Variants in ZNF263 observed in about 807,000 individuals in gnomAD.
ZNF263 encodes zinc finger protein FPM315.
Under a neutral mutation model 63.1 loss-of-function variants are expected in ZNF263, and 49 were observed. The observed-to-expected ratio is 0.78, with a 90% CI of 0.62 to 0.99. ZNF263 has a LOEUF of 0.99. ZNF263 is among the 50% of genes least tolerant of loss of function. The pLI is 0.00. For synonymous variants in ZNF263, 352 were observed against 324.2 expected (o/e 1.09, Z -0.92); for missense variants, 872 against 854.8 (o/e 1.02, Z -0.25).
At chr16:3,285,547 T>A in intron 2 of ZNF263, 134 bp from the exon 3 acceptor site, 2 of 873,054 alleles carry the variant, frequency 2.3e-6, no homozygotes, top group Non-Finnish European at 3.7e-6. Flanking sequence ...ATCAGCTGAT[T>A]AGGCCTCTGT....
chr16:3,299,527 T>A (rs1390540818), intron 2 of ZNF263: 1 of 1,530,990 alleles, frequency 6.5e-7, no homozygotes, highest in East Asian at 2.3e-5. Flanking sequence ...TTTATCTCCT[T>A]TCTCTTGCTC....
chr16:3,299,837 C>A (rs763707636), intron 2 of ZNF263: 20 of 1,590,370 alleles, frequency 1.3e-5, no homozygotes, highest in Non-Finnish European at 1.7e-5. Flanking sequence ...GAAAACAATT[C>A]TCTGGTGAAC....
intron 2 of ZNF263, chr16:3,300,502 C>T (rs1327797989): frequency 1.2e-6 from 2 of 1,614,076 alleles, no homozygotes; most frequent in Non-Finnish European, 1.7e-6. Context: ...TGTTGACTTA[C>T]TGATTCCAAA....
In ZNF263 at chr16:3,290,596, A is replaced by G. The variant is rs777313784; in HGVS notation, c.*38A>G. ...TTCTCTTTGCCCCAGGTGAGGTGGCATATTCAGAGGAGCCTGTTGGCAAGA... is the reference window on the plus strand; with the variant it reads ...TTCTCTTTGCCCCAGGTGAGGTGGCGTATTCAGAGGAGCCTGTTGGCAAGA... On this transcript the variant is annotated 3_prime_UTR_variant, in exon 6 of 6. Transcript: ENST00000219069. 6.4e-7 allele frequency: 1 copy of G among 1,560,908 alleles called. No homozygotes were observed. Among genetic ancestry groups the G allele is most frequent in the Non-Finnish European group, 8.6e-7 (1 of 1,156,892 alleles).
In ZNF263 at chr16:3,299,165, A is replaced by C. The variant is rs761244305; in HGVS notation, c.*46+9A>C. The C allele has an allele frequency of 6.4e-6, 10 of 1,557,966 alleles. No individual in the cohort carries two copies. The East Asian group carries it at 2.1e-4, about 33-fold the overall frequency. On this transcript the variant is annotated intron_variant, in intron 2 of 2. Coordinates refer to the ZNF263 transcript ENST00000574674. ...TCAACAAAGTCAAGAAGGTAGTCCA[A>C]ACTCTCTCTTACAGCAGATAATTTA...
At chr16:3,287,680 G>T (rs905135224) in intron 4 of ZNF263, among the ~76,000 whole-genome samples, 1 of 151,748 alleles carries the variant, frequency 6.6e-6, no homozygotes, top group Admixed American at 6.6e-5. Context: ...TTTTCTTTTT[G>T]GCACAGCATA....
downstream of ZNF263, among the ~76,000 whole-genome samples, chr16:3,296,307 A>G (rs1482169772): frequency 6.6e-6 from 1 of 152,172 alleles, no homozygotes; most frequent in Admixed American, 6.6e-5. Context: ...ATTTATTATC[A>G]CTAAAAAGAA....
intron 1 of ZNF263, 146 bp downstream of exon 1, chr16:3,284,351 C>T: frequency 7.6e-7 from 1 of 1,320,804 alleles, no homozygotes; most frequent in Non-Finnish European, 9.7e-7. Context: ...AACACTCATC[C>T]TCCAGATTTT....
At chr16:3,286,877 A>C (rs1210374392) in intron 4 of ZNF263, 1 of 152,222 alleles carries the variant, frequency 6.6e-6, no homozygotes, top group Non-Finnish European at 1.5e-5. Flanking sequence ...GGGAAGTCTT[A>C]ACATAAAACA....
Position 3,290,601 on chromosome 16 carries a change from C to T in ZNF263, c.*43C>T. 1.4e-5 allele frequency: 22 copies of T among 1,546,258 alleles called. No individual in the cohort carries two copies. The highest frequency in any genetic ancestry group is 1.7e-5 in the Non-Finnish European group (20 of 1,151,144). The stretch of plus-strand genomic sequence containing the variant: ...TTTGCCCCAGGTGAGGTGGCATATT[C>T]AGAGGAGCCTGTTGGCAAGAGCTGG... On this transcript the variant is annotated 3_prime_UTR_variant, in exon 6 of 6. Coordinates refer to ENST00000219069, the MANE Select transcript of ZNF263 (RefSeq NM_005741.5).
At chr16:3,292,455 TAG>T (rs1035707030), downstream of ZNF263, among the ~76,000 whole-genome samples, 3 of 152,064 alleles carry the variant, frequency 2.0e-5, no homozygotes, top group African/African-American at 4.8e-5. Flanking sequence ...GGGTTAGGAT[TAG>T]AGAGATCAGA....
intron 1 of ZNF263, 90 bp downstream of exon 1, chr16:3,284,295 C>T (rs1165266188): frequency 2.8e-6 from 4 of 1,429,972 alleles, no homozygotes; most frequent in Non-Finnish European, 3.7e-6. Flanking sequence ...AGTAAATTGC[C>T]CTGAGTAGAC....
At chr16:3,300,123 G>A in intron 2 of ZNF263, 1 of 1,614,182 alleles carries the variant, frequency 6.2e-7, no homozygotes, top group Non-Finnish European at 8.5e-7. Context: ...TCTCCTCTTT[G>A]ATTATCATGG....
At chr16:3,293,620 A>T (rs1959672435), downstream of ZNF263, among the ~76,000 whole-genome samples, 1 of 152,144 alleles carries the variant, frequency 6.6e-6, no homozygotes, top group South Asian at 2.1e-4. Flanking sequence ...GTCTTGGGAG[A>T]TGTGGAGTGA....
rs553088314 is a variant in ZNF263 at position 3,297,278 on chromosome 16, A to T, written c.152-1828A>T. On this transcript the variant is annotated intron_variant, in intron 1 of 2. Transcript: ENST00000574674. ...CACTGCACTCCAGCTTGGGTGATACAGCGAGACTCCATCTCAAAAAAAAAA... is the reference window on the plus strand; with the variant it reads ...CACTGCACTCCAGCTTGGGTGATACTGCGAGACTCCATCTCAAAAAAAAAA... Among the ~76,000 whole-genome samples the T allele has an allele frequency of 1.8e-4, 26 of 146,226 alleles. No homozygotes were observed. The East Asian group carries it at 4.8e-3, about 27-fold the overall frequency.
Position 3,284,141 on chromosome 16 carries a change from G to A in ZNF263, c.323G>A (p.Ser108Asn). 6.2e-7 allele frequency: 1 copy of A among 1,603,564 alleles called. No individual in the cohort carries two copies. Among genetic ancestry groups the A allele is most frequent in the South Asian group, 1.1e-5 (1 of 90,040 alleles). Reference protein sequence around the residue: ...QSRVQELHPESGEEAVTLVED... With the variant: ...QSRVQELHPENGEEAVTLVED... ...AGGGTGCAGGAGCTGCATCCGGAGA[G>A]CGGCGAAGAAGCGGTGACCCTTGTG... The change falls in exon 1 of 6, where the codon AGC becomes AAC. Residue 108 changes from serine to asparagine, a missense_variant. By Grantham distance (46) the Ser-to-Asn change is conservative (BLOSUM62 1). Transcript: ENST00000219069.
intron 2 of ZNF263, chr16:3,300,088 C>T: frequency 6.2e-7 from 1 of 1,614,206 alleles, no homozygotes; most frequent in Middle Eastern, 1.6e-4. Flanking sequence ...TTCATCCCCA[C>T]TGTATAGCTG....
At chr16:3,291,554 A>T (rs1392744722), downstream of ZNF263, 5 of 950,450 alleles carry the variant, frequency 5.3e-6, no homozygotes, top group Non-Finnish European at 6.3e-6. Flanking sequence ...TTTCTCATAG[A>T]CTTACTGGGT....
At position 3,288,501 on chromosome 16, in the gene ZNF263, G is replaced by A. The variant is rs1359226448; in HGVS notation, c.817G>A (p.Gly273Arg). Residue 273 changes from glycine (G) to arginine (R), a missense_variant, in exon 5 of 6, where the codon GGA becomes AGA. By Grantham distance (125) the Gly-to-Arg change is moderately radical. Transcript: ENST00000219069. ...GGTCCCAGGCACCCAGGTGGGACAA[G>A]GAGGAAAGCTATGGGATCCCAGTGT... is the stretch of plus-strand genomic sequence containing the variant. ...QEVPGTQVGQ[G>R]GKLWDPSVQS... 1.2e-6 allele frequency: 2 copies of A among 1,613,052 alleles called. No homozygotes were observed. Among genetic ancestry groups the A allele is most frequent in the East Asian group, 4.5e-5 (2 of 44,826 alleles).
Sources: allele counts gnomAD v4.1 joint callset (sites outside exome capture counted in the v4.1 genomes callset), GRCh38; gene constraint gnomAD v4.1.1; transcripts MANE v1.5; gene names NCBI Gene and HGNC (gene_info 2026-07-23, HGNC 2026-07-21).